Variants in SPATA16 observed in about 807,000 individuals in gnomAD.
The protein encoded by SPATA16 is spermatogenesis-associated protein 16.
SPATA16 carries 36 observed loss-of-function variants against 63.3 expected under a neutral mutation model. The ratio of observed to expected loss-of-function variants is 0.57; its 90% CI spans 0.44 to 0.75. SPATA16 has a LOEUF of 0.75. SPATA16 is among the 30% of genes least tolerant of loss of function. The pLI, the probability that SPATA16 is intolerant of heterozygous loss-of-function variation, is 0.00. For missense variants in SPATA16, 646 were observed against 679.3 expected (o/e 0.95, Z 0.54); for synonymous variants, 203 against 216.7 (o/e 0.94, Z 0.56).
chr3:173,109,665 T>C (rs1737703450), intron 2 of SPATA16, among the ~76,000 whole-genome samples: 1 of 152,162 alleles, frequency 6.6e-6, no homozygotes, highest in Non-Finnish European at 1.5e-5. Context: ...AACGTCAACT[T>C]AAAGATCACA....
rs544730689 is a variant in SPATA16 at position 173,044,701 on chromosome 3, G to A, written c.758+4248C>T. On this transcript the variant is annotated intron_variant, in intron 3 of 10. Coordinates refer to ENST00000351008, the MANE Select transcript of SPATA16 (RefSeq NM_031955.6). ...TTTTTAACTTTATGCTGGATATTTT[G>A]GGTGAGACTTTGTGGGGAATCTGGA... is the stretch of plus-strand genomic sequence containing the variant. Among the ~76,000 whole-genome samples the A allele has an allele frequency of 2.6e-5, 4 of 152,160 alleles. No individual in the cohort carries two copies. In the East Asian group the frequency reaches 7.7e-4, roughly 29 times the overall value.
At chr3:172,892,269 A>G (rs1211328623) in intron 10 of SPATA16, among the ~76,000 whole-genome samples, 4 of 152,328 alleles carry the variant, frequency 2.6e-5, no homozygotes, top group East Asian at 3.9e-4. Flanking sequence ...GGAATGTTGA[A>G]TTCTGCTCTC....
chr3:173,010,383 G>T lies in SPATA16; in HGVS notation c.848+9103C>A, dbSNP rs183297481. ...GCTCTGTTACAAGGCCCACTGGTTG[G>T]GGCTCCCAGCATAGCTGCCCCACCC... On this transcript the variant is annotated intron_variant, in intron 4 of 10. Transcript: ENST00000351008. 1.3e-3 allele frequency among the ~76,000 whole-genome samples: 202 copies of T among 152,152 alleles called. 4 individuals are homozygous for T. The highest frequency in any genetic ancestry group is 4.6e-3 in the African/African-American group (192 of 41,484).
At chr3:172,930,479 ATG>A (rs1732844050) in intron 6 of SPATA16, among the ~76,000 whole-genome samples, 1 of 150,078 alleles carries the variant, frequency 6.7e-6, no homozygotes, top group Non-Finnish European at 1.5e-5. Flanking sequence ...GTCCTTCCAG[ATG>A]TGTCTAAGTC....
At chr3:173,049,243 C>G (rs1455969888) in intron 2 of SPATA16, 149 bp from the exon 3 acceptor site, 7 of 733,408 alleles carry the variant, frequency 9.5e-6, no homozygotes, top group African/African-American at 8.9e-5. Flanking sequence ...ATATATGATG[C>G]TTTTTCCAAA....
chr3:173,102,623 C>T (rs1378851035), intron 2 of SPATA16, among the ~76,000 whole-genome samples: 3 of 152,180 alleles, frequency 2.0e-5, no homozygotes, highest in Admixed American at 2.0e-4. Context: ...GAGGGATCCA[C>T]TTCCAGTACC....
rs34754459 is a variant in SPATA16, at chr3:173,114,179, C to CAA, written c.612+2939_612+2940dup. On this transcript the variant is annotated intron_variant, in intron 2 of 10. Transcript: ENST00000351008. ...TGGGCAACAGAGCAAGACTCCATCTCAAAAAAAAAAAAAAAAAAAAAGAGT... is the reference window on the plus strand; with the variant it reads ...TGGGCAACAGAGCAAGACTCCATCTCAAAAAAAAAAAAAAAAAAAAAAAGAGT... Among the ~76,000 whole-genome samples the CAA allele has an allele frequency of 4.5e-3, 296 of 66,004 alleles. 3 individuals are homozygous for CAA. Among genetic ancestry groups the CAA allele is most frequent in the African/African-American group, 0.013 (229 of 18,190 alleles). The allele number at this position is 66,004 out of a possible 152,430, so 43.3% of individuals were successfully genotyped here. A position where few individuals can be genotyped will look rare whatever the true frequency, so the allele number is the denominator to read the frequency against.
chr3:172,949,983 A>C (rs745800854), intron 6 of SPATA16, among the ~76,000 whole-genome samples: 2 of 152,190 alleles, frequency 1.3e-5, no homozygotes, highest in Non-Finnish European at 2.9e-5. Context: ...TTTCTACCAC[A>C]TACCCCATTA....
chr3:173,076,216 T>C (rs1736798347), intron 2 of SPATA16, among the ~76,000 whole-genome samples: 1 of 152,178 alleles, frequency 6.6e-6, no homozygotes, highest in African/African-American at 2.4e-5. Flanking sequence ...CATGTCTCGC[T>C]ATCTTTTAAA....
intron 5 of SPATA16, among the ~76,000 whole-genome samples, chr3:172,961,563 T>A (rs906087196): frequency 1.1e-4 from 17 of 151,918 alleles, no homozygotes; most frequent in Non-Finnish European, 2.4e-4. Flanking sequence ...CCCGGTGAAT[T>A]TTTGTATTTT....
intron 5 of SPATA16, among the ~76,000 whole-genome samples, chr3:172,969,472 G>C (rs1733996411): frequency 6.6e-6 from 1 of 152,142 alleles, no homozygotes; most frequent in Admixed American, 6.6e-5. Flanking sequence ...CTGGGGTTGT[G>C]CATCAGAATC....
intron 10 of SPATA16, among the ~76,000 whole-genome samples, 186 bp from the exon 11 acceptor site, chr3:172,889,878 A>G (rs1235296889): frequency 1.3e-5 from 2 of 152,188 alleles, no homozygotes; most frequent in Non-Finnish European, 2.9e-5. Flanking sequence ...TCCCTGTTTT[A>G]CTAACTTAAC....
At chr3:172,895,666 CAAG>C (rs938860919) in intron 10 of SPATA16, among the ~76,000 whole-genome samples, 1 of 152,046 alleles carries the variant, frequency 6.6e-6, no homozygotes, top group African/African-American at 2.4e-5. Flanking sequence ...TTTGTTATTG[CAAG>C]AAGTTTATCT....
chr3:173,089,569 G>A (rs1223760807), intron 2 of SPATA16, among the ~76,000 whole-genome samples: 2 of 152,142 alleles, frequency 1.3e-5, no homozygotes, highest in African/African-American at 4.8e-5. Flanking sequence ...ATGAACCAGA[G>A]GAGGCCCTGA....
intron 5 of SPATA16, 143 bp downstream of exon 5, chr3:172,976,825 T>C: frequency 1.4e-6 from 1 of 714,928 alleles, no homozygotes; most frequent in South Asian, 1.5e-5. Context: ...TACTTCGTTA[T>C]GAATACATTA....
chr3:172,965,019 T>C (rs1179075207), intron 5 of SPATA16, among the ~76,000 whole-genome samples: 1 of 152,250 alleles, frequency 6.6e-6, no homozygotes, highest in African/African-American at 2.4e-5. Flanking sequence ...ATGCAGACTT[T>C]ATTTGGCTTA....
chr3:173,045,912 C>T (rs1364192888), intron 3 of SPATA16, among the ~76,000 whole-genome samples: 1 of 151,948 alleles, frequency 6.6e-6, no homozygotes, highest in Non-Finnish European at 1.5e-5. Context: ...ATTATAAAAT[C>T]ATTTTTAAAA....
At chr3:172,940,277 A>G (rs1316891514) in intron 6 of SPATA16, among the ~76,000 whole-genome samples, 2 of 152,230 alleles carry the variant, frequency 1.3e-5, no homozygotes, top group Non-Finnish European at 2.9e-5. Context: ...TGCAACTGGT[A>G]TCTAAAATGG....
intron 4 of SPATA16, among the ~76,000 whole-genome samples, chr3:172,994,528 C>CTGTGTGTGTGTG (rs149994711): frequency 1.3e-5 from 2 of 151,842 alleles, no homozygotes; most frequent in African/African-American, 4.8e-5. Context: ...GTACTGAAAT[C>CTGTGTGTGTGTG]TGTGTGTGTG....
Sources: allele counts gnomAD v4.1 joint callset (sites outside exome capture counted in the v4.1 genomes callset), GRCh38; gene constraint gnomAD v4.1.1; transcripts MANE v1.5; gene names NCBI Gene and HGNC (gene_info 2026-07-23, HGNC 2026-07-21).